TP63: variants seen among roughly 807,000 people sequenced by gnomAD.
The protein encoded by TP63 is tumor protein p63.
TP63 carries 17 observed loss-of-function variants against 82.8 expected under a neutral mutation model. The ratio of observed to expected loss-of-function variants is 0.21; its 90% CI spans 0.14 to 0.31. The LOEUF (loss-of-function observed/expected upper bound fraction) is 0.31. Ranked by LOEUF, TP63 falls within the 10% of genes least tolerant of loss-of-function variation. The probability of loss-of-function intolerance (pLI) is 1.00; values close to 1 mark genes in which losing one functional copy is unlikely to be tolerated. For missense variants in TP63, 648 were observed against 895.3 expected (o/e 0.72, Z 3.52); for synonymous variants, 330 against 321.7 (o/e 1.03, Z -0.28).
At chr3:189,852,490 T>G (rs899131732) in intron 4 of TP63, among the ~76,000 whole-genome samples, 1 of 152,266 alleles carries the variant, frequency 6.6e-6, no homozygotes. Context: ...TGGTCTGTTT[T>G]GGTACTTCCA....
At chr3:189,707,981 G>A (rs913955269) in intron 1 of TP63, among the ~76,000 whole-genome samples, 2 of 152,084 alleles carry the variant, frequency 1.3e-5, no homozygotes, top group Non-Finnish European at 2.9e-5. Context: ...AACAATACTT[G>A]TTCATATTAC....
intron 3 of TP63, among the ~76,000 whole-genome samples, chr3:189,804,588 G>A (rs1043605526): frequency 1.3e-5 from 2 of 152,064 alleles, no homozygotes; most frequent in Non-Finnish European, 2.9e-5. Flanking sequence ...GTTAACACAC[G>A]CGATCTTTCT....
At chr3:189,629,914 ATTAG>A, upstream of TP63, among the ~76,000 whole-genome samples, 1 of 152,308 alleles carries the variant, frequency 6.6e-6, no homozygotes, top group South Asian at 2.1e-4. Context: ...TCTATAATTA[ATTAG>A]TTAAGCAATC....
At chr3:189,785,148 A>G (rs980315101) in intron 3 of TP63, among the ~76,000 whole-genome samples, 28 of 152,042 alleles carry the variant, frequency 1.8e-4, no homozygotes, top group Non-Finnish European at 8.8e-5. Flanking sequence ...TGAAAGCGAT[A>G]TTTTTTCTCT....
At chr3:189,877,994 G>T (rs1272351682) in intron 10 of TP63, among the ~76,000 whole-genome samples, 2 of 151,806 alleles carry the variant, frequency 1.3e-5, no homozygotes, top group Admixed American at 1.3e-4. Flanking sequence ...TGGACCACAG[G>T]CACACCCCAC....
intron 4 of TP63, among the ~76,000 whole-genome samples, chr3:189,819,158 T>C (rs188633199): frequency 1.3e-5 from 2 of 152,202 alleles, no homozygotes; most frequent in Non-Finnish European, 2.9e-5. Flanking sequence ...CTAGAAAATG[T>C]ATCCTTATTG....
At chr3:189,719,290 T>C (rs1265837471) in intron 1 of TP63, among the ~76,000 whole-genome samples, 1 of 152,214 alleles carries the variant, frequency 6.6e-6, no homozygotes, top group Non-Finnish European at 1.5e-5. Context: ...GTAGCCTTTT[T>C]TGAAAATACT....
At chr3:189,628,449 C>A (rs1049183934), upstream of TP63, among the ~76,000 whole-genome samples, 4 of 152,046 alleles carry the variant, frequency 2.6e-5, no homozygotes, top group Non-Finnish European at 5.9e-5. Context: ...GTTCTTGGCT[C>A]CTAGGAGTCA....
intron 1 of TP63, among the ~76,000 whole-genome samples, chr3:189,694,418 T>C (rs1458286553): frequency 6.6e-6 from 1 of 152,228 alleles, no homozygotes; most frequent in Non-Finnish European, 1.5e-5. Flanking sequence ...AATACCACGC[T>C]GTATTTAGCC....
chr3:189,810,279 A>G (rs946296664), intron 4 of TP63, among the ~76,000 whole-genome samples: 1 of 152,194 alleles, frequency 6.6e-6, no homozygotes, highest in African/African-American at 2.4e-5. Context: ...CCACTAGAAT[A>G]ACCATTTTAT....
intron 3 of TP63, among the ~76,000 whole-genome samples, chr3:189,759,613 G>T (rs1431768022): frequency 6.6e-6 from 1 of 152,100 alleles, no homozygotes. Flanking sequence ...TGAAGCTAAG[G>T]GCTCACGGGT....
chr3:189,894,079 C>A, intron 13 of TP63, 127 bp from the exon 14 acceptor site: 2 of 1,248,090 alleles, frequency 1.6e-6, no homozygotes, highest in Non-Finnish European at 1.1e-6. Context: ...ATTTTATTTT[C>A]TAATTTGTGG....
At chr3:189,748,649 A>C (rs1050958093) in intron 3 of TP63, among the ~76,000 whole-genome samples, 4 of 152,020 alleles carry the variant, frequency 2.6e-5, no homozygotes, top group African/African-American at 9.7e-5. Flanking sequence ...AATTCCTATC[A>C]AAGTGCCAAT....
At chr3:189,723,116 C>T (rs375954284) in intron 1 of TP63, among the ~76,000 whole-genome samples, 6 of 152,270 alleles carry the variant, frequency 3.9e-5, no homozygotes, top group African/African-American at 1.2e-4. Flanking sequence ...TGACACCTAC[C>T]GCTCCTTACT....
chr3:189,694,787 A>T (rs1161856023), intron 1 of TP63, among the ~76,000 whole-genome samples: 1 of 61,920 alleles, frequency 1.6e-5, no homozygotes, highest in Non-Finnish European at 3.8e-5. Flanking sequence ...CAGTATTTAC[A>T]GCCTTTTTTT....
chr3:189,675,346 T>C (rs571313109), intron 1 of TP63, among the ~76,000 whole-genome samples: 6 of 152,206 alleles, frequency 3.9e-5, no homozygotes, highest in Middle Eastern at 3.4e-3. Context: ...AAGATAATTA[T>C]TGAATTTTAA....
Position 189,894,240 on chromosome 3 carries a change from G to A in TP63, c.1781G>A (p.Arg594Gln), listed in dbSNP as rs368336834. Residue 594 changes from arginine (R) to glutamine (Q), a missense_variant, in exon 14 of 14, where the codon CGA becomes CAA. Arg to Gln is a conservative substitution (Grantham distance 43). Coordinates refer to ENST00000264731, the MANE Select transcript of TP63 (RefSeq NM_003722.5). ...AGTCTGAAAATCCCTGAGCAATTTC[G>A]ACATGCGATCTGGAAGGGCATCCTG... ...LASLKIPEQFRHAIWKGILDH... is the reference protein window; with the variant it reads ...LASLKIPEQFQHAIWKGILDH... 62 of 1,613,852 alleles carry A rather than the reference G, an allele frequency of 3.8e-5. No homozygotes were observed. The highest frequency in any genetic ancestry group is 5.0e-5 in the Non-Finnish European group (59 of 1,180,000).
intron 3 of TP63, among the ~76,000 whole-genome samples, chr3:189,766,867 G>T (rs1231188814): frequency 6.6e-6 from 1 of 152,130 alleles, no homozygotes; most frequent in East Asian, 1.9e-4. Flanking sequence ...TACTTTTCTT[G>T]GTTGCAATTG....
At chr3:189,827,277 A>T (rs1711563518) in intron 4 of TP63, among the ~76,000 whole-genome samples, 1 of 152,196 alleles carries the variant, frequency 6.6e-6, no homozygotes. Flanking sequence ...TCTGTCTGCC[A>T]TGCAGACTCC....
Sources: gnomAD v4.1 joint callset for allele counts (sites outside exome capture counted in the v4.1 genomes callset) on GRCh38, gnomAD v4.1.1 for gene constraint, MANE v1.5 for transcripts, NCBI Gene and HGNC (gene_info 2026-07-23, HGNC 2026-07-21) for gene names.